The following RREB1 variants were observed in gnomAD, a reference collection of about 807,000 sequenced individuals.
RREB1 encodes ras responsive element binding protein 1.
In RREB1, 27 loss-of-function variants were observed where a neutral mutation model predicts 117.8. The ratio of observed to expected loss-of-function variants is 0.23; its 90% CI spans 0.17 to 0.32. The LOEUF is 0.32. Ranked by LOEUF, RREB1 falls within the 10% of genes least tolerant of loss-of-function variation. RREB1 has a pLI of 1.00. For synonymous variants in RREB1, 1,298 were observed against 1,026.7 expected (o/e 1.26, Z -5.05); for missense variants, 2,577 against 2,378.2 (o/e 1.08, Z -1.74).
At chr6:7,232,918 G>A (rs1461497389) in intron 10 of RREB1, among the ~76,000 whole-genome samples, 8 of 151,474 alleles carry the variant, frequency 5.3e-5, no homozygotes, top group East Asian at 1.9e-4. Context: ...TTTTTGAGAC[G>A]GAGTCTCGCT....
intron 10 of RREB1, among the ~76,000 whole-genome samples, chr6:7,236,741 T>G (rs1305434614): frequency 6.6e-6 from 1 of 151,922 alleles, no homozygotes; most frequent in East Asian, 1.9e-4. Context: ...CTGTTTTTTT[T>G]TTTTTTTATC....
chr6:7,223,254 T>TC (rs1202986437), intron 8 of RREB1, among the ~76,000 whole-genome samples: 1 of 110,240 alleles, frequency 9.1e-6, no homozygotes, highest in African/African-American at 4.6e-5. Flanking sequence ...AAGACTCTCT[T>TC]TTTAAAAAAA....
chr6:7,184,813 C>G (rs1561767866), intron 4 of RREB1: 1 of 144,072 alleles, frequency 6.9e-6, no homozygotes, highest in African/African-American at 2.5e-5. Flanking sequence ...ACTTGGAGGC[C>G]TTTTTTTTTT....
chr6:7,125,863 T>A (rs1015810150), intron 1 of RREB1, among the ~76,000 whole-genome samples: 2 of 152,162 alleles, frequency 1.3e-5, no homozygotes, highest in Non-Finnish European at 2.9e-5. Flanking sequence ...GGATGGGGGT[T>A]CCCAGTGTGC....
rs1264404796 is a variant in RREB1, at chr6:7,246,705, G to C, written c.4255G>C (p.Asp1419His). ...GTCGAGCAACCAGAGCCTGGACCTG[G>C]ACTTCGCCACCAAGCTCATGGACTT... ...DASSNQSLDL[D>H]FATKLMDFKL... is the part of the protein sequence containing the mutation. Residue 1419 changes from aspartate (D) to histidine (H), a missense_variant, in exon 12 of 13, where the codon GAC (aspartate) becomes CAC (histidine). Physicochemically the swap from Asp to His is moderately conservative, Grantham distance 81. Transcript: ENST00000379938. The C allele has an allele frequency of 1.3e-6, 2 of 1,584,930 alleles. No individual in the cohort carries two copies. The highest frequency in any genetic ancestry group is 1.7e-6 in the Non-Finnish European group (2 of 1,166,122).
chr6:7,174,204 G>C (rs1764384384), intron 1 of RREB1, among the ~76,000 whole-genome samples: 1 of 143,106 alleles, frequency 7.0e-6, no homozygotes, highest in African/African-American at 2.7e-5. Flanking sequence ...GGGTGTCTTA[G>C]AGTTTCTTCT....
intron 11 of RREB1, among the ~76,000 whole-genome samples, chr6:7,240,887 C>G (rs968305993): frequency 6.6e-6 from 1 of 151,992 alleles, no homozygotes; most frequent in Non-Finnish European, 1.5e-5. Context: ...GCAGAAGAGG[C>G]CTTTGTTCCC....
intron 1 of RREB1, among the ~76,000 whole-genome samples, chr6:7,121,039 G>T (rs930938557): frequency 6.6e-6 from 1 of 151,978 alleles, no homozygotes; most frequent in East Asian, 1.9e-4. Context: ...GGCCAGGCTG[G>T]TCTCGAAGTC....
chr6:7,140,246 T>C (rs191425252), intron 1 of RREB1, among the ~76,000 whole-genome samples: 11 of 152,330 alleles, frequency 7.2e-5, no homozygotes, highest in Admixed American at 1.3e-4. Flanking sequence ...GGTTTTTTTT[T>C]CTTTCAATTA....
intron 5 of RREB1, among the ~76,000 whole-genome samples, chr6:7,188,837 G>A (rs916844030): frequency 2.0e-5 from 3 of 152,044 alleles, no homozygotes; most frequent in African/African-American, 7.2e-5. Flanking sequence ...AGTGTCCTTC[G>A]GCTTGTAGGA....
At chr6:7,159,820 A>G (rs1196613504) in intron 1 of RREB1, among the ~76,000 whole-genome samples, 1 of 152,130 alleles carries the variant, frequency 6.6e-6, no homozygotes, top group Non-Finnish European at 1.5e-5. Flanking sequence ...GAAATCATAG[A>G]TTCTTTTGAA....
chr6:7,225,768 G>C (rs1767548135), intron 8 of RREB1, among the ~76,000 whole-genome samples: 1 of 152,112 alleles, frequency 6.6e-6, no homozygotes. Flanking sequence ...TGTGGGGCCT[G>C]AGTCACATCG....
chr6:7,153,382 CAATT>C (rs1399575744), intron 1 of RREB1, among the ~76,000 whole-genome samples: 2 of 149,360 alleles, frequency 1.3e-5, no homozygotes, highest in Non-Finnish European at 2.9e-5. Context: ...CCTCCCTACT[CAATT>C]AAAGTCAAGG....
At chr6:7,142,770 C>T (rs936680298) in intron 1 of RREB1, among the ~76,000 whole-genome samples, 10 of 152,372 alleles carry the variant, frequency 6.6e-5, no homozygotes, top group South Asian at 2.1e-4. Flanking sequence ...AGTGACTTTA[C>T]GTGGCACCCC....
At chr6:7,115,518 C>G (rs974119996) in intron 1 of RREB1, among the ~76,000 whole-genome samples, 2 of 152,144 alleles carry the variant, frequency 1.3e-5, no homozygotes. Context: ...ATGTGCAATA[C>G]TTGAAGATAG....
intron 1 of RREB1, among the ~76,000 whole-genome samples, chr6:7,175,182 C>T (rs1480933421): frequency 6.6e-6 from 1 of 152,034 alleles, no homozygotes; most frequent in Non-Finnish European, 1.5e-5. Context: ...TTGTGCATTT[C>T]TGAAAACTCC....
chr6:7,126,461 G>T (rs1761936779), intron 1 of RREB1, among the ~76,000 whole-genome samples: 1 of 151,848 alleles, frequency 6.6e-6, no homozygotes. Flanking sequence ...TAGAGATGGG[G>T]TTTCATCGTA....
chr6:7,194,350 G>C (rs1474969012), intron 6 of RREB1, among the ~76,000 whole-genome samples: 4 of 152,128 alleles, frequency 2.6e-5, no homozygotes, highest in Non-Finnish European at 4.4e-5. Flanking sequence ...AGGAGTTTGA[G>C]ACCAGCCTGG....
chr6:7,140,838 G>T (rs1251556691), intron 1 of RREB1: 1 of 152,374 alleles, frequency 6.6e-6, no homozygotes, highest in African/African-American at 2.4e-5. Context: ...GCTTCGTGTG[G>T]TGGCTCGCGC....
Sources: allele counts gnomAD v4.1 joint callset (sites outside exome capture counted in the v4.1 genomes callset), GRCh38; gene constraint gnomAD v4.1.1; transcripts MANE v1.5; gene names NCBI Gene and HGNC (gene_info 2026-07-23, HGNC 2026-07-21).